The following KDM4C variants were observed in gnomAD, a reference collection of about 807,000 sequenced individuals.
The protein encoded by KDM4C is lysine-specific demethylase 4C.
A neutral mutation model predicts 129.3 loss-of-function variants in KDM4C; 81 were observed. That is an observed-to-expected ratio of 0.63 (90% CI 0.52 to 0.75). The LOEUF (loss-of-function observed/expected upper bound fraction) is 0.75. Among genes scored for constraint, KDM4C ranks in the 30% least tolerant of loss-of-function variants. KDM4C has a pLI of 0.00. For synonymous variants in KDM4C, 573 were observed against 456.1 expected (o/e 1.26, Z -3.26); for missense variants, 1,457 against 1,304.0 (o/e 1.12, Z -1.81).
chr9:7,005,775 C>T (rs139377981), intron 12 of KDM4C, among the ~76,000 whole-genome samples: 61 of 152,226 alleles, frequency 4.0e-4, no homozygotes, highest in African/African-American at 1.2e-3. Context: ...GTTGGAAAAC[C>T]CTGACATTTA....
At chr9:7,013,723 G>A (rs981093064) in intron 13 of KDM4C, 65 bp from the exon 14 acceptor site, 1 of 1,478,548 alleles carries the variant, frequency 6.8e-7, no homozygotes. Context: ...TAGTGGATTT[G>A]AGTGACTAGA....
chr9:7,040,785 CT>C (rs1012606584), intron 15 of KDM4C, among the ~76,000 whole-genome samples: 17 of 150,418 alleles, frequency 1.1e-4, no homozygotes, highest in Middle Eastern at 3.4e-3. Context: ...CTAAATGTGG[CT>C]TTTTTTTTCT....
chr9:6,906,118 T>A (rs541657616), intron 8 of KDM4C, among the ~76,000 whole-genome samples: 4 of 152,224 alleles, frequency 2.6e-5, no homozygotes, highest in Non-Finnish European at 5.9e-5. Flanking sequence ...ACATAGAATT[T>A]CAAAGGGCAC....
At chr9:7,161,206 C>G (rs1028755341) in intron 19 of KDM4C, among the ~76,000 whole-genome samples, 1 of 152,094 alleles carries the variant, frequency 6.6e-6, no homozygotes, top group South Asian at 2.1e-4. Context: ...TTGGGGCAGG[C>G]GTGTCCCATT....
chr9:7,016,321 G>T (rs147457649), intron 15 of KDM4C, among the ~76,000 whole-genome samples: 1,655 of 151,090 alleles, frequency 0.011, 28 homozygotes, highest in African/African-American at 0.037. Flanking sequence ...TAGAGACGGG[G>T]TTTCAACGTG....
chr9:6,737,664 CA>C (rs34608889), intron 1 of KDM4C, among the ~76,000 whole-genome samples: 5,658 of 47,356 alleles, frequency 0.12, 81 homozygotes, highest in South Asian at 0.26. Flanking sequence ...GACTTCATCT[CA>C]AAAAAAAAAA....
intron 18 of KDM4C, among the ~76,000 whole-genome samples, chr9:7,119,067 C>A (rs1839223789): frequency 1.3e-5 from 2 of 152,180 alleles, no homozygotes; most frequent in South Asian, 2.1e-4. Flanking sequence ...GAATGCAGTG[C>A]ATATGTCCAC....
intron 12 of KDM4C, among the ~76,000 whole-genome samples, chr9:7,008,050 A>G (rs753152023): frequency 4.6e-5 from 7 of 152,206 alleles, no homozygotes; most frequent in Non-Finnish European, 1.0e-4. Context: ...TAGCACAGAC[A>G]TGAAAAAAGA....
chr9:6,805,856 T>G (rs1829873566), intron 3 of KDM4C, 82 bp downstream of exon 3: 1 of 1,304,438 alleles, frequency 7.7e-7, no homozygotes, highest in African/African-American at 1.5e-5. Context: ...CAGAGGAGCT[T>G]ATAAATGAAA....
intron 8 of KDM4C, among the ~76,000 whole-genome samples, chr9:6,964,593 A>T (rs944049826): frequency 6.6e-6 from 1 of 151,910 alleles, no homozygotes; most frequent in African/African-American, 2.4e-5. Flanking sequence ...CAGCCTGGGC[A>T]ACACGGTGAA....
chr9:6,870,620 A>C (rs571273087), intron 5 of KDM4C, among the ~76,000 whole-genome samples: 1 of 152,096 alleles, frequency 6.6e-6, no homozygotes, highest in Non-Finnish European at 1.5e-5. Context: ...TGTGTTTTTG[A>C]ACACTTTAGT....
At chr9:6,970,057 C>G (rs1831689380) in intron 8 of KDM4C, among the ~76,000 whole-genome samples, 2 of 152,184 alleles carry the variant, frequency 1.3e-5, no homozygotes, top group African/African-American at 2.4e-5. Flanking sequence ...GAATGTTTGG[C>G]CAGTCTAGCT....
At chr9:7,171,977 T>C (rs1191923414) in intron 21 of KDM4C, among the ~76,000 whole-genome samples, 1 of 152,194 alleles carries the variant, frequency 6.6e-6, no homozygotes, top group Non-Finnish European at 1.5e-5. Flanking sequence ...GCCACCTTTA[T>C]TGAATCAAAG....
intron 8 of KDM4C, among the ~76,000 whole-genome samples, chr9:6,931,324 T>G (rs1301387803): frequency 6.6e-6 from 1 of 152,114 alleles, no homozygotes; most frequent in East Asian, 1.9e-4. Context: ...ACACAATAAA[T>G]AAACTTGCTA....
At chr9:7,057,823 T>G (rs1831071773) in intron 17 of KDM4C, among the ~76,000 whole-genome samples, 1 of 152,192 alleles carries the variant, frequency 6.6e-6, no homozygotes, top group African/African-American at 2.4e-5. Context: ...CCCCTGCAGT[T>G]ATTGCTGAAA....
chr9:6,835,286 T>TG lies in KDM4C; in HGVS notation c.436-14220dup, dbSNP rs1588595894. Reference sequence around the variant, plus strand: ...TCCTGTGGCATCCATGAAACTACCTTGAACTCCATTATGAAGTGTGATGTG... The same window carrying TG: ...TCCTGTGGCATCCATGAAACTACCTTGGAACTCCATTATGAAGTGTGATGTG... On this transcript the variant is annotated intron_variant, in intron 4 of 21. Transcript: ENST00000381309. The TG allele has an allele frequency of 4.4e-6, 4 of 909,794 alleles. 1 individual carries two copies. In the East Asian group the frequency reaches 9.6e-5, roughly 22 times the overall value. The allele number at this position is 909,794 out of a possible 1,614,324, so 56.4% of individuals were successfully genotyped here.
intron 12 of KDM4C, among the ~76,000 whole-genome samples, chr9:6,991,076 C>A (rs751152884): frequency 6.6e-6 from 1 of 151,586 alleles, no homozygotes; most frequent in African/African-American, 2.4e-5. Context: ...TATCTTTTTC[C>A]CCCTTTTGTT....
intron 12 of KDM4C, among the ~76,000 whole-genome samples, chr9:7,006,800 A>G (rs16925110): frequency 0.24 from 36,115 of 152,062 alleles, 4,989 homozygotes; most frequent in South Asian, 0.51. Flanking sequence ...TCAGAGTAAG[A>G]GGTGATGATT....
intron 1 of KDM4C, among the ~76,000 whole-genome samples, chr9:6,742,269 C>G (rs545714778): frequency 1.3e-5 from 2 of 151,210 alleles, no homozygotes; most frequent in Non-Finnish European, 1.5e-5. Context: ...CCGCCTTGGC[C>G]CCCCAGAGTG....
Sources: allele counts gnomAD v4.1 joint callset (sites outside exome capture counted in the v4.1 genomes callset), GRCh38; gene constraint gnomAD v4.1.1; transcripts MANE v1.5; gene names NCBI Gene and HGNC (gene_info 2026-07-23, HGNC 2026-07-21).